The following ARHGAP18 variants were observed in gnomAD, a reference collection of about 807,000 sequenced individuals.
ARHGAP18 encodes rho GTPase-activating protein 18.
Under a neutral mutation model 86.2 loss-of-function variants are expected in ARHGAP18, and 67 were observed. That is an observed-to-expected ratio of 0.78 (90% CI 0.64 to 0.95). The LOEUF is 0.95. Among genes scored for constraint, ARHGAP18 ranks in the 40% least tolerant of loss-of-function variants. The probability of loss-of-function intolerance (pLI) is 0.00; values close to 1 mark genes in which losing one functional copy is unlikely to be tolerated. For synonymous variants in ARHGAP18, 283 were observed against 280.4 expected, an observed-to-expected ratio of 1.01 and a Z score of -0.09; for missense variants, 691 against 780.4, an observed-to-expected ratio of 0.89 and a Z score of 1.37.
intron 1 of ARHGAP18, among the ~76,000 whole-genome samples, chr6:129,642,756 C>T (rs533333773): frequency 3.3e-5 from 5 of 152,028 alleles, no homozygotes; most frequent in Non-Finnish European, 5.9e-5. Context: ...TATCTTCAAC[C>T]GATGAAGCAC....
intron 3 of ARHGAP18, among the ~76,000 whole-genome samples, chr6:129,635,322 G>C (rs1187668431): frequency 6.6e-6 from 1 of 152,148 alleles, no homozygotes; most frequent in Non-Finnish European, 1.5e-5. Flanking sequence ...AAAGCACTAG[G>C]CTAGGGACGT....
intron 1 of ARHGAP18, among the ~76,000 whole-genome samples, chr6:129,666,270 G>A (rs577863513): frequency 2.9e-4 from 44 of 152,266 alleles, no homozygotes; most frequent in Non-Finnish European, 5.4e-4. Flanking sequence ...GCAAAGCTCC[G>A]AAAGTAGAGA....
At chr6:129,659,450 G>T (rs1297993065) in intron 1 of ARHGAP18, among the ~76,000 whole-genome samples, 1 of 145,624 alleles carries the variant, frequency 6.9e-6, no homozygotes, top group Non-Finnish European at 1.5e-5. Context: ...GATAGGCCTA[G>T]AATTTTTTTT....
intron 3 of ARHGAP18, among the ~76,000 whole-genome samples, chr6:129,636,918 C>T (rs1773344361): frequency 6.6e-6 from 1 of 152,124 alleles, no homozygotes; most frequent in Admixed American, 6.5e-5. Flanking sequence ...GGCAGCAAGA[C>T]TTTTTTGATG....
chr6:129,617,867 G>C (rs28572189), intron 6 of ARHGAP18, among the ~76,000 whole-genome samples: 1 of 152,018 alleles, frequency 6.6e-6, no homozygotes, highest in Non-Finnish European at 1.5e-5. Context: ...GTGAATACTT[G>C]TCTTTGTGAA....
intron 12 of ARHGAP18, among the ~76,000 whole-genome samples, chr6:129,595,102 CAAT>C (rs1311283554): frequency 6.6e-6 from 1 of 150,844 alleles, no homozygotes; most frequent in Non-Finnish European, 1.5e-5. Context: ...AAAAATTAGA[CAAT>C]AATACACCCC....
chr6:129,690,144 T>C (rs767419805), intron 1 of ARHGAP18, among the ~76,000 whole-genome samples: 5 of 151,956 alleles, frequency 3.3e-5, no homozygotes, highest in Non-Finnish European at 7.4e-5. Context: ...TGTGTGTGTG[T>C]ATGTGGTGTG....
rs78810708 is a variant in ARHGAP18, at chr6:129,686,619, A to G, written c.113+23405T>C. 1.8e-4 allele frequency among the ~76,000 whole-genome samples: 27 copies of G among 152,324 alleles called. No individual in the cohort carries two copies. The East Asian group carries it at 3.9e-3, about 22-fold the overall frequency. ...AGAAAGCCACCCACCTGGATATTCC[A>G]GAGAAATATGGGCTGAACTTCCAGA... On this transcript the variant is annotated intron_variant, in intron 1 of 14. Coordinates refer to ENST00000368149, the MANE Select transcript of ARHGAP18 (RefSeq NM_033515.3).
intron 5 of ARHGAP18, among the ~76,000 whole-genome samples, chr6:129,625,718 T>A (rs1316249497): frequency 3.1e-5 from 2 of 63,958 alleles, no homozygotes; most frequent in Non-Finnish European, 5.4e-5. Context: ...TATATATTTA[T>A]ATATTATATA....
intron 1 of ARHGAP18, among the ~76,000 whole-genome samples, chr6:129,698,447 C>T (rs1233669808): frequency 6.6e-6 from 1 of 151,974 alleles, no homozygotes; most frequent in Non-Finnish European, 1.5e-5. Flanking sequence ...TACAGCCAAA[C>T]CACCAAAATT....
At chr6:129,672,666 T>C (rs1774160509) in intron 1 of ARHGAP18, among the ~76,000 whole-genome samples, 1 of 152,220 alleles carries the variant, frequency 6.6e-6, no homozygotes, top group South Asian at 2.1e-4. Flanking sequence ...CCTAATTCAA[T>C]CAACCTATAG....
intron 1 of ARHGAP18, among the ~76,000 whole-genome samples, chr6:129,642,821 T>C (rs1262377388): frequency 2.0e-5 from 3 of 152,160 alleles, no homozygotes; most frequent in African/African-American, 7.2e-5. Context: ...ATGATTTAAG[T>C]TTGCTGTTAT....
intron 1 of ARHGAP18, among the ~76,000 whole-genome samples, chr6:129,708,344 C>T (rs544223834): frequency 6.6e-6 from 1 of 152,106 alleles, no homozygotes; most frequent in South Asian, 2.1e-4. Context: ...GCCGTGTGGG[C>T]AGCTGCCCAC....
chr6:129,581,675 G>A (rs1374281671), intron 13 of ARHGAP18, among the ~76,000 whole-genome samples: 3 of 152,110 alleles, frequency 2.0e-5, no homozygotes, highest in Non-Finnish European at 4.4e-5. Context: ...CTTTACCAAA[G>A]AATGAATGAA....
intron 3 of ARHGAP18, among the ~76,000 whole-genome samples, chr6:129,634,785 C>A (rs186182966): frequency 2.0e-5 from 3 of 152,070 alleles, no homozygotes; most frequent in Admixed American, 2.0e-4. Context: ...CTGAATTGTG[C>A]ACTTTAAGTG....
chr6:129,619,160 G>A (rs899690416), intron 5 of ARHGAP18, among the ~76,000 whole-genome samples: 5 of 133,146 alleles, frequency 3.8e-5, no homozygotes, highest in Non-Finnish European at 6.3e-5. Context: ...TTCTAGTTAA[G>A]TGACCTTCAG....
At chr6:129,654,604 G>C (rs961017343) in intron 1 of ARHGAP18, among the ~76,000 whole-genome samples, 14 of 152,216 alleles carry the variant, frequency 9.2e-5, no homozygotes, top group Non-Finnish European at 2.9e-5. Context: ...AGCGTAAGTA[G>C]TTCATGGCCT....
intron 1 of ARHGAP18, among the ~76,000 whole-genome samples, chr6:129,678,572 G>A (rs1774273488): frequency 6.6e-6 from 1 of 152,120 alleles, no homozygotes; most frequent in South Asian, 2.1e-4. Context: ...AATTATCTTT[G>A]GTGTGATAAT....
intron 4 of ARHGAP18, 40 bp downstream of exon 4, chr6:129,634,002 G>T: frequency 6.7e-7 from 1 of 1,498,346 alleles, no homozygotes; most frequent in South Asian, 1.2e-5. Flanking sequence ...CTAATTAAAG[G>T]GCGGAAAAAA....
Sources: allele counts gnomAD v4.1 joint callset (sites outside exome capture counted in the v4.1 genomes callset), GRCh38; gene constraint gnomAD v4.1.1; transcripts MANE v1.5; gene names NCBI Gene and HGNC (gene_info 2026-07-23, HGNC 2026-07-21).